The following ZMYM2 variants were observed in gnomAD, a reference collection of about 807,000 sequenced individuals.
The protein encoded by ZMYM2 is zinc finger MYM-type protein 2.
In ZMYM2, 56 loss-of-function variants were observed where a neutral mutation model predicts 162.8. The ratio of observed to expected loss-of-function variants is 0.34; its 90% confidence interval spans 0.28 to 0.43. The LOEUF is 0.43. ZMYM2 is among the 20% of genes least tolerant of loss of function. The pLI is 1.00. For missense variants in ZMYM2, 1,275 were observed against 1,621.8 expected, an observed-to-expected ratio of 0.79 and a Z score of 3.67; for synonymous variants, 510 against 541.6, an observed-to-expected ratio of 0.94 and a Z score of 0.81.
chr13:19,962,372 A>G (rs547923661), intron 2 of ZMYM2, among the ~76,000 whole-genome samples: 1 of 151,778 alleles, frequency 6.6e-6, no homozygotes, highest in Admixed American at 6.6e-5. Context: ...TGGTATAATT[A>G]GAATTGTTAT....
At chr13:19,887,884 T>A in the ZMYM2 span, among the ~76,000 whole-genome samples, 1 of 131,264 alleles carries the variant, frequency 7.6e-6, no homozygotes, top group Non-Finnish European at 1.6e-5. Context: ...CTTCAAGTAA[T>A]TTTTTTTTTT....
the ZMYM2 span, among the ~76,000 whole-genome samples, chr13:19,930,993 G>A: frequency 6.6e-6 from 1 of 151,402 alleles, no homozygotes; most frequent in East Asian, 2.0e-4. Context: ...CAAAAAATTA[G>A]CCAGGCGCGG....
At chr13:19,882,617 T>C in the ZMYM2 span, among the ~76,000 whole-genome samples, 459 of 152,104 alleles carry the variant, frequency 3.0e-3, 2 homozygotes, top group African/African-American at 0.011. Flanking sequence ...CATGGTGTCA[T>C]GCGCCTGTCA....
chr13:19,982,251 G>GTAGT (rs946786754), intron 2 of ZMYM2, among the ~76,000 whole-genome samples: 1 of 142,614 alleles, frequency 7.0e-6, no homozygotes, highest in Non-Finnish European at 1.5e-5. Context: ...TTGCTTTTCA[G>GTAGT]TAGTTTTCAC....
At chr13:20,041,050 C>T (rs1391309243) in intron 12 of ZMYM2, among the ~76,000 whole-genome samples, 1 of 152,084 alleles carries the variant, frequency 6.6e-6, no homozygotes, top group Non-Finnish European at 1.5e-5. Flanking sequence ...GAGTATGTGC[C>T]ATGTGACAGT....
intron 12 of ZMYM2, among the ~76,000 whole-genome samples, chr13:20,038,026 A>G (rs930893848): frequency 1.3e-5 from 2 of 152,154 alleles, no homozygotes; most frequent in Non-Finnish European, 1.5e-5. Flanking sequence ...GCTCCCACAT[A>G]TAAGTGAAAA....
At chr13:19,939,864 T>C in the ZMYM2 span, among the ~76,000 whole-genome samples, 2 of 152,200 alleles carry the variant, frequency 1.3e-5, no homozygotes, top group African/African-American at 4.8e-5. Context: ...GTAGGTACTA[T>C]TGTTTATATC....
At chr13:20,009,096 CA>C (rs1950971451) in intron 6 of ZMYM2, among the ~76,000 whole-genome samples, 1 of 152,034 alleles carries the variant, frequency 6.6e-6, no homozygotes, top group Admixed American at 6.6e-5. Context: ...AAGATCAAAA[CA>C]AAAGAACTTG....
the ZMYM2 span, among the ~76,000 whole-genome samples, chr13:19,936,816 TA>T: frequency 3.3e-5 from 5 of 152,154 alleles, no homozygotes; most frequent in Non-Finnish European, 5.9e-5. Flanking sequence ...GTTTCTTTCC[TA>T]TTAACTACTA....
chr13:20,055,001 T>G (rs912959588), intron 14 of ZMYM2, among the ~76,000 whole-genome samples: 1 of 151,892 alleles, frequency 6.6e-6, no homozygotes, highest in African/African-American at 2.4e-5. Flanking sequence ...GGGTTGTTTT[T>G]TTTTTTTTTT....
the ZMYM2 span, among the ~76,000 whole-genome samples, chr13:19,904,779 A>G: frequency 6.6e-6 from 1 of 152,180 alleles, no homozygotes; most frequent in African/African-American, 2.4e-5. Flanking sequence ...AAGTGATATC[A>G]TAAAATATTT....
intron 2 of ZMYM2, among the ~76,000 whole-genome samples, chr13:19,973,685 A>C (rs539702260): frequency 9.3e-5 from 14 of 150,900 alleles, no homozygotes; most frequent in Non-Finnish European, 1.6e-4. Flanking sequence ...AAAAAAAAAA[A>C]AAAACACCAA....
chr13:19,887,631 CAGTGGTAG>C, the ZMYM2 span, among the ~76,000 whole-genome samples: 1 of 151,562 alleles, frequency 6.6e-6, no homozygotes, highest in East Asian at 1.9e-4. Flanking sequence ...TCTGGTTACT[CAGTGGTAG>C]AGTTGTTAGG....
the ZMYM2 span, among the ~76,000 whole-genome samples, chr13:19,893,464 A>T: frequency 1.3e-5 from 2 of 151,896 alleles, no homozygotes; most frequent in African/African-American, 4.9e-5. Flanking sequence ...TAGTCCAGGC[A>T]CGGTGGCTCA....
intron 2 of ZMYM2, among the ~76,000 whole-genome samples, chr13:19,989,647 AT>A (rs1949446587): frequency 6.6e-6 from 1 of 152,162 alleles, no homozygotes; most frequent in South Asian, 2.1e-4. Context: ...TCAACTATTT[AT>A]CCTTTGTGTT....
intron 6 of ZMYM2, among the ~76,000 whole-genome samples, chr13:20,009,110 A>G (rs1337012433): frequency 1.3e-5 from 2 of 152,318 alleles, no homozygotes; most frequent in East Asian, 3.9e-4. Context: ...AGAACTTGAC[A>G]AAAATCAGTC....
chr13:19,962,515 ATTTTTTTTT>A (rs1166788980), intron 2 of ZMYM2, among the ~76,000 whole-genome samples: 1 of 38,916 alleles, frequency 2.6e-5, no homozygotes, highest in Admixed American at 5.1e-4. Flanking sequence ...ATATATATAT[ATTTTTTTTT>A]TTTTTTTTTT....
At chr13:19,907,793 C>A in the ZMYM2 span, among the ~76,000 whole-genome samples, 17 of 119,572 alleles carry the variant, frequency 1.4e-4, no homozygotes, top group South Asian at 9.5e-4. Flanking sequence ...AAGGTAAAGT[C>A]TATTTTTAAG....
At chr13:20,019,106 C>CA (rs67352152) in intron 6 of ZMYM2, among the ~76,000 whole-genome samples, 1 of 134,940 alleles carries the variant, frequency 7.4e-6, no homozygotes, top group African/African-American at 2.7e-5. Context: ...ACAACAACAA[C>CA]AAAAAAAAAC....
Sources: allele counts gnomAD v4.1 joint callset (sites outside exome capture counted in the v4.1 genomes callset), GRCh38; gene constraint gnomAD v4.1.1; transcripts MANE v1.5; gene names NCBI Gene and HGNC (gene_info 2026-07-23, HGNC 2026-07-21).